Variants in TRMT10B observed in about 807,000 individuals in gnomAD.
The protein encoded by TRMT10B is tRNA methyltransferase 10 homolog B.
A neutral mutation model predicts 43.8 loss-of-function variants in TRMT10B; 33 were observed. The observed-to-expected ratio is 0.75, with a 90% CI of 0.57 to 1.01. TRMT10B has a LOEUF of 1.01. TRMT10B is among the 50% of genes least tolerant of loss of function. TRMT10B has a pLI of 0.00. For missense variants in TRMT10B, 362 were observed against 369.8 expected (o/e 0.98, Z 0.17); for synonymous variants, 137 against 130.6 (o/e 1.05, Z -0.34).
Position 37,763,755 on chromosome 9 carries a change from T to C in TRMT10B, c.420+2T>C. The C allele has an allele frequency of 6.2e-7, 1 of 1,613,884 alleles. No homozygotes were observed. The highest frequency in any genetic ancestry group is 8.5e-7 in the Non-Finnish European group (1 of 1,179,878). On this transcript the variant is annotated splice_donor_variant, in intron 4 of 8. Coordinates refer to ENST00000297994, the MANE Select transcript of TRMT10B (RefSeq NM_144964.4). LOFTEE classifies it high-confidence loss of function. ...ATGACCCACTACATGTCAAAGAAGG[T>C]AGAACATCCACTAAGCCTGGAATTC...
chr9:37,777,550 G>A (rs1434965532), intron 8 of TRMT10B, 51 bp from the exon 9 acceptor site: 25 of 1,414,536 alleles, frequency 1.8e-5, no homozygotes, highest in East Asian at 9.1e-5. Flanking sequence ...TCATTTACTC[G>A]TTCTTTTTTT....
intron 1 of TRMT10B, among the ~76,000 whole-genome samples, chr9:37,759,563 A>G (rs536344550): frequency 6.6e-6 from 1 of 152,350 alleles, no homozygotes; most frequent in South Asian, 2.1e-4. Flanking sequence ...CACGCCTGTA[A>G]TCCCAGCACT....
chr9:37,764,558 T>A (rs1247156664), intron 4 of TRMT10B, among the ~76,000 whole-genome samples: 1 of 151,870 alleles, frequency 6.6e-6, no homozygotes, highest in Non-Finnish European at 1.5e-5. Flanking sequence ...CCTGACCTTG[T>A]GAGCTACTGC....
At chr9:37,753,086 C>A (rs1282029156), upstream of TRMT10B, among the ~76,000 whole-genome samples, 1 of 152,114 alleles carries the variant, frequency 6.6e-6, no homozygotes, top group Non-Finnish European at 1.5e-5. Context: ...GAAGGAACAA[C>A]TCCAGGTGTG....
Position 37,762,059 on chromosome 9 carries a change from C to T in TRMT10B, c.128C>T (p.Ala43Val), listed in dbSNP as rs373006864. 94 of 1,614,032 alleles carry T rather than the reference C, an allele frequency of 5.8e-5. No individual in the cohort carries two copies. Among genetic ancestry groups the T allele is most frequent in the East Asian group, 3.8e-4 (17 of 44,878 alleles). Residue 43 changes from alanine (A) to valine (V), a missense_variant, in exon 2 of 9, where the codon GCG becomes GTG. Physicochemically the swap from Ala to Val is moderately conservative, Grantham distance 64. Transcript: ENST00000297994. ...PEGFQLLQIDAEGECQEGEIL... is the reference protein window; with the variant it reads ...PEGFQLLQIDVEGECQEGEIL... ...GGCTTCCAGCTTCTGCAGATCGATG[C>T]GGAAGGCGAGTGCCAGGAGGGAGAG...
At chr9:37,755,230 C>T (rs966185848) in intron 1 of TRMT10B, among the ~76,000 whole-genome samples, 7 of 150,862 alleles carry the variant, frequency 4.6e-5, no homozygotes, top group African/African-American at 1.7e-4. Context: ...GAGATCGCGC[C>T]ACTGCACTCC....
In TRMT10B at chr9:37,765,690, T is replaced by G. The variant is rs542930322; in HGVS notation, c.420+1937T>G. Among the ~76,000 whole-genome samples, 14 of 152,336 alleles carry G rather than the reference T, an allele frequency of 9.2e-5. No homozygotes were observed. The South Asian group carries it at 2.5e-3, about 27-fold the overall frequency. Reference sequence around the variant, plus strand: ...GACTTCCACAATGGTTGAACTAGTTTCCAGTCCCACCAACAGTGTAAAAGT... The same window carrying G: ...GACTTCCACAATGGTTGAACTAGTTGCCAGTCCCACCAACAGTGTAAAAGT... On this transcript the variant is annotated intron_variant, in intron 4 of 8. Coordinates refer to ENST00000297994, the MANE Select transcript of TRMT10B (RefSeq NM_144964.4).
intron 4 of TRMT10B, 132 bp from the exon 5 acceptor site, chr9:37,767,944 C>G: frequency 1.2e-6 from 1 of 851,352 alleles, no homozygotes; most frequent in Non-Finnish European, 1.9e-6. Flanking sequence ...GTATAATACA[C>G]GCACACATGT....
At chr9:37,756,714 C>A (rs1825720699) in intron 1 of TRMT10B, among the ~76,000 whole-genome samples, 1 of 150,518 alleles carries the variant, frequency 6.6e-6, no homozygotes, top group Admixed American at 6.6e-5. Context: ...GCAAGACTCT[C>A]ATCTCAAAAA....
chr9:37,754,494 T>C (rs1170470545), intron 1 of TRMT10B, among the ~76,000 whole-genome samples: 1 of 152,114 alleles, frequency 6.6e-6, no homozygotes, highest in Non-Finnish European at 1.5e-5. Context: ...GTCAGTGAAA[T>C]GGAGAGTACT....
chr9:37,763,168 A>C (rs1438217413), intron 3 of TRMT10B, among the ~76,000 whole-genome samples: 1 of 149,294 alleles, frequency 6.7e-6, no homozygotes, highest in African/African-American at 2.5e-5. Context: ...AAAAAAAACA[A>C]AAAAAAAAAT....
At chr9:37,777,189 C>T (rs12005753) in intron 8 of TRMT10B, among the ~76,000 whole-genome samples, 2,557 of 73,442 alleles carry the variant, frequency 0.035, 76 homozygotes, top group African/African-American at 0.12. Flanking sequence ...AGTGCAACTC[C>T]GCCTCAAAAA....
chr9:37,776,351 G>A lies in TRMT10B; in HGVS notation c.790G>A (p.Val264Ile), dbSNP rs1350985921. 6.2e-7 allele frequency: 1 copy of A among 1,612,530 alleles called. No homozygotes were observed. The highest frequency in any genetic ancestry group is 1.7e-5 in the Admixed American group (1 of 59,792). The change falls in exon 8 of 9, where the codon GTC (valine) becomes ATC (isoleucine). Residue 264 changes from valine to isoleucine, a missense_variant. Transcript: ENST00000297994. Reference protein sequence around the residue: ...TARLPIQEYMVRNQNGKNYHS... With the variant: ...TARLPIQEYMIRNQNGKNYHS... ...ACGCTTGCCAATCCAGGAATACATG[G>A]TCAGAAACCAGAATGGGAAAAACTA...
rs1828155946 is a variant in TRMT10B at position 37,776,423 on chromosome 9, C to G, written c.844+18C>G. On this transcript the variant is annotated intron_variant, in intron 8 of 8. Transcript: ENST00000297994. ...CAATCAAGGTACTTCTTACACGGCC[C>G]CCATCCAGGGTGTGTGAGTTCTGGT... is the stretch of plus-strand genomic sequence containing the variant. 6.3e-7 allele frequency: 1 copy of G among 1,598,358 alleles called. No individual in the cohort carries two copies. Among genetic ancestry groups the G allele is most frequent in the African/African-American group, 1.3e-5 (1 of 74,168 alleles).
intron 7 of TRMT10B, among the ~76,000 whole-genome samples, chr9:37,773,956 T>TAAAAAAAAA (rs544100530): frequency 7.8e-6 from 1 of 127,706 alleles, no homozygotes. Flanking sequence ...ACCCTGTCTC[T>TAAAAAAAAA]AAAAAAAAAA....
intron 4 of TRMT10B, among the ~76,000 whole-genome samples, chr9:37,766,694 A>G (rs892256025): frequency 3.3e-5 from 5 of 152,094 alleles, no homozygotes; most frequent in Non-Finnish European, 2.9e-5. Flanking sequence ...AATGATATTG[A>G]TTTTCCTACC....
intron 1 of TRMT10B, among the ~76,000 whole-genome samples, chr9:37,757,155 C>G (rs1589003813): frequency 6.6e-6 from 1 of 152,158 alleles, no homozygotes; most frequent in Non-Finnish European, 1.5e-5. Flanking sequence ...ACAATCATAG[C>G]CCACTGGAGC....
chr9:37,777,473 G>A (rs566214554), intron 8 of TRMT10B, 128 bp from the exon 9 acceptor site: 52 of 721,070 alleles, frequency 7.2e-5, no homozygotes, highest in Non-Finnish European at 8.5e-5. Context: ...GCCTCTCCCC[G>A]CAAGACCTTA....
intron 1 of TRMT10B, among the ~76,000 whole-genome samples, chr9:37,756,802 G>GTATA (rs10636246): frequency 3.7e-4 from 56 of 150,336 alleles, no homozygotes; most frequent in Admixed American, 6.6e-4. Context: ...ATGTGTATGT[G>GTATA]TATATATGTG....
Sources: allele counts gnomAD v4.1 joint callset (sites outside exome capture counted in the v4.1 genomes callset), GRCh38; gene constraint gnomAD v4.1.1; transcripts MANE v1.5; gene names NCBI Gene and HGNC (gene_info 2026-07-23, HGNC 2026-07-21).